PTPRQ: variants seen among roughly 807,000 people sequenced by gnomAD.
PTPRQ encodes the protein protein tyrosine phosphatase receptor type Q.
In PTPRQ, 199 loss-of-function variants were observed where a neutral mutation model predicts 246.0. The observed-to-expected ratio is 0.81, with a 90% confidence interval of 0.72 to 0.91. The LOEUF (loss-of-function observed/expected upper bound fraction) is 0.91, where lower values mean the gene tolerates loss of function less well. PTPRQ is among the 40% of genes least tolerant of loss of function. The pLI, the probability that PTPRQ is intolerant of heterozygous loss-of-function variation, is 0.00. For missense variants in PTPRQ, 2,624 were observed against 2,528.4 expected (o/e 1.04, Z -0.81); for synonymous variants, 869 against 853.2 (o/e 1.02, Z -0.32).
At chr12:80,590,790 T>G (rs774445195) in intron 26 of PTPRQ, among the ~76,000 whole-genome samples, 1 of 152,130 alleles carries the variant, frequency 6.6e-6, no homozygotes, top group African/African-American at 2.4e-5. Flanking sequence ...AACTTTAACA[T>G]TATTTATAGC....
chr12:80,448,069 G>C (rs894723052), intron 3 of PTPRQ, among the ~76,000 whole-genome samples: 7 of 151,922 alleles, frequency 4.6e-5, no homozygotes, highest in African/African-American at 1.7e-4. Context: ...TTTATTTCAT[G>C]AGTGTCTTGT....
chr12:80,483,536 A>C (rs1894154957), intron 8 of PTPRQ, among the ~76,000 whole-genome samples: 2 of 152,084 alleles, frequency 1.3e-5, no homozygotes, highest in African/African-American at 4.8e-5. Flanking sequence ...TAATAAAAGA[A>C]AAAAAAGAAA....
At chr12:80,593,069 TTCTC>T (rs1339989401) in intron 26 of PTPRQ, among the ~76,000 whole-genome samples, 3 of 152,152 alleles carry the variant, frequency 2.0e-5, no homozygotes, top group African/African-American at 7.2e-5. Flanking sequence ...TAATAACTCT[TTCTC>T]TGAATTAGAG....
At chr12:80,461,526 A>G (rs1462259826) in intron 6 of PTPRQ, among the ~76,000 whole-genome samples, 1 of 151,742 alleles carries the variant, frequency 6.6e-6, no homozygotes, top group East Asian at 1.9e-4. Context: ...ATCAGTATTC[A>G]TGTAAATACA....
rs1327586845 is a variant in PTPRQ at position 80,506,584 on chromosome 12, C to G, written c.2471C>G (p.Thr824Ser). Residue 824 changes from threonine to serine, a missense_variant, in exon 16 of 45, where the codon ACC becomes AGC. Transcript: ENST00000644991. ...TTCTCTTTAGTACTGAAGAAATATA[C>G]CCAATATATCATTGAGGTGTCTGCT... is the stretch of plus-strand genomic sequence containing the variant. ...TQNIKVLKKY[T>S]QYIIEVSAST... The G allele has an allele frequency of 8.5e-6, 13 of 1,533,836 alleles. No individual in the cohort carries two copies. The highest frequency in any genetic ancestry group is 2.0e-5 in the Admixed American group (1 of 49,844).
At chr12:80,619,591 C>T in intron 31 of PTPRQ, 49 bp downstream of exon 31, 1 of 1,377,504 alleles carries the variant, frequency 7.3e-7, no homozygotes, top group Non-Finnish European at 9.5e-7. Context: ...GTGTAGATTA[C>T]TGAGTGCTAA....
At chr12:80,543,079 G>A (rs946420739) in intron 23 of PTPRQ, among the ~76,000 whole-genome samples, 198 bp downstream of exon 23, 15 of 151,984 alleles carry the variant, frequency 9.9e-5, no homozygotes, top group East Asian at 3.8e-4. Flanking sequence ...ATACTTCATA[G>A]AGCAATGTAC....
At chr12:80,628,233 T>A (rs1017527410) in intron 33 of PTPRQ, among the ~76,000 whole-genome samples, 1 of 152,168 alleles carries the variant, frequency 6.6e-6, no homozygotes, top group African/African-American at 2.4e-5. Flanking sequence ...CTTTAGGTGA[T>A]ACATGCTGCT....
intron 43 of PTPRQ, among the ~76,000 whole-genome samples, chr12:80,674,530 T>C (rs1195954798): frequency 1.3e-5 from 2 of 152,154 alleles, no homozygotes; most frequent in Non-Finnish European, 2.9e-5. Flanking sequence ...ACCAGAGATA[T>C]CCAAACTTTT....
intron 34 of PTPRQ, among the ~76,000 whole-genome samples, chr12:80,634,300 G>A (rs1899557622): frequency 6.6e-6 from 1 of 152,126 alleles, no homozygotes; most frequent in African/African-American, 2.4e-5. Flanking sequence ...ACATTACTTT[G>A]TAATATACCA....
intron 42 of PTPRQ, among the ~76,000 whole-genome samples, chr12:80,671,157 A>G (rs1900957090): frequency 6.6e-6 from 1 of 152,080 alleles, no homozygotes; most frequent in Non-Finnish European, 1.5e-5. Flanking sequence ...TTTTCCATAA[A>G]TTTCTGGATT....
At chr12:80,533,356 A>G (rs1473887929) in intron 17 of PTPRQ, among the ~76,000 whole-genome samples, 1 of 151,892 alleles carries the variant, frequency 6.6e-6, no homozygotes, top group Non-Finnish European at 1.5e-5. Flanking sequence ...TTTTGAGTCA[A>G]TATTTATTTG....
chr12:80,494,853 T>G, intron 10 of PTPRQ, 80 bp from the exon 11 acceptor site: 1 of 1,426,572 alleles, frequency 7.0e-7, no homozygotes. Flanking sequence ...GGTTTAAGAT[T>G]TTATAGTCTA....
rs1018878913 is a variant in PTPRQ, at chr12:80,679,321, T to C, written c.*298T>C. On this transcript the variant is annotated 3_prime_UTR_variant, in exon 45 of 45. Transcript: ENST00000644991. ...TAAGCCAAATAGAAAATTATTATTA[T>C]ATTAGCATTAATGTTTCAATGTGAA... The C allele has an allele frequency of 2.3e-5, 5 of 221,464 alleles. No individual in the cohort carries two copies. The East Asian group carries it at 2.7e-4, about 12-fold the overall frequency. 13.7% of individuals were successfully genotyped at this position (221,464 alleles called of 1,614,324 possible).
chr12:80,455,891 G>A (rs1008529081), intron 3 of PTPRQ, among the ~76,000 whole-genome samples: 3 of 151,892 alleles, frequency 2.0e-5, no homozygotes, highest in African/African-American at 7.3e-5. Flanking sequence ...GAGCCACCGC[G>A]CCCAGCCGTC....
intron 17 of PTPRQ, among the ~76,000 whole-genome samples, chr12:80,531,486 A>C (rs1193456797): frequency 6.6e-6 from 1 of 152,192 alleles, no homozygotes; most frequent in Non-Finnish European, 1.5e-5. Flanking sequence ...GCTCAAAGGG[A>C]GTGAACACTT....
At chr12:80,624,640 A>C (rs1157777395) in intron 33 of PTPRQ, among the ~76,000 whole-genome samples, 1 of 152,180 alleles carries the variant, frequency 6.6e-6, no homozygotes, top group Non-Finnish European at 1.5e-5. Flanking sequence ...TAATGGATTT[A>C]ACACCATCAA....
At chr12:80,676,012 G>A (rs1336278426) in intron 43 of PTPRQ, among the ~76,000 whole-genome samples, 1 of 152,090 alleles carries the variant, frequency 6.6e-6, no homozygotes, top group African/African-American at 2.4e-5. Flanking sequence ...TGTCCAGTGA[G>A]ATTTTTCTGA....
At chr12:80,665,663 A>C (rs1039275375) in intron 39 of PTPRQ, among the ~76,000 whole-genome samples, 1 of 152,108 alleles carries the variant, frequency 6.6e-6, no homozygotes. Flanking sequence ...ATGAATAGAC[A>C]ATCTGCAAAA....
Sources: gnomAD v4.1 joint callset for allele counts (sites outside exome capture counted in the v4.1 genomes callset) on GRCh38, gnomAD v4.1.1 for gene constraint, MANE v1.5 for transcripts, NCBI Gene and HGNC (gene_info 2026-07-23, HGNC 2026-07-21) for gene names.